The following TMEM108 variants were observed in gnomAD, a reference collection of about 807,000 sequenced individuals.
The protein encoded by TMEM108 is transmembrane protein 108.
In TMEM108, 12 loss-of-function variants were observed where a neutral mutation model predicts 35.1. The observed-to-expected ratio is 0.34, with a 90% CI of 0.22 to 0.55. The LOEUF is 0.55. TMEM108 is among the 20% of genes least tolerant of loss of function. TMEM108 has a pLI of 0.89. For synonymous variants in TMEM108, 287 were observed against 308.6 expected (o/e 0.93, Z 0.73); for missense variants, 680 against 753.3 (o/e 0.90, Z 1.14).
intron 3 of TMEM108, among the ~76,000 whole-genome samples, chr3:133,286,138 G>A (rs1443710792): frequency 6.6e-6 from 1 of 152,122 alleles, no homozygotes; most frequent in East Asian, 1.9e-4. Context: ...CAAACATCAA[G>A]ACAAACATTA....
chr3:133,278,571 A>T (rs888790595), intron 3 of TMEM108, among the ~76,000 whole-genome samples: 6 of 152,182 alleles, frequency 3.9e-5, no homozygotes, highest in Non-Finnish European at 7.4e-5. Context: ...TAGGCTACAA[A>T]CCTGTACGGC....
chr3:133,080,431 A>C (rs1022505556), intron 2 of TMEM108, among the ~76,000 whole-genome samples: 1 of 152,218 alleles, frequency 6.6e-6, no homozygotes, highest in African/African-American at 2.4e-5. Context: ...TTTTGCATGT[A>C]AGGACATATG....
intron 3 of TMEM108, among the ~76,000 whole-genome samples, chr3:133,233,921 C>T (rs1256978818): frequency 2.0e-5 from 3 of 151,368 alleles, no homozygotes; most frequent in Non-Finnish European, 3.0e-5. Flanking sequence ...TTTGAGTTCA[C>T]TGTAGATTCT....
chr3:133,130,854 G>A (rs1944481217), intron 2 of TMEM108, among the ~76,000 whole-genome samples: 1 of 152,142 alleles, frequency 6.6e-6, no homozygotes, highest in South Asian at 2.1e-4. Context: ...GCATTAAAAT[G>A]GAATATAATC....
At chr3:133,294,699 A>G (rs1384674114) in intron 3 of TMEM108, among the ~76,000 whole-genome samples, 3 of 152,206 alleles carry the variant, frequency 2.0e-5, no homozygotes, top group Non-Finnish European at 2.9e-5. Context: ...AATGCACATT[A>G]GCTTTTATTA....
chr3:133,381,006 G>A lies in TMEM108; in HGVS notation c.1295G>A (p.Arg432His), dbSNP rs757969231. The part of the protein sequence containing the change: ...VSTATGNFLN[R>H]LVPAGTWKPG... ...ACAGCCACAGGCAATTTCCTCAACC[G>A]CCTGGTCCCCGCCGGGACCTGGAAG... is the stretch of plus-strand genomic sequence containing the variant. The change falls in exon 4 of 6, where the codon CGC becomes CAC. Residue 432 changes from arginine (R) to histidine (H), a missense_variant. Physicochemically the swap from Arg to His is conservative, Grantham distance 29. Transcript: ENST00000321871. The A allele has an allele frequency of 8.1e-6, 13 of 1,614,030 alleles. No homozygotes were observed. The highest frequency in any genetic ancestry group is 2.2e-5 in the South Asian group (2 of 91,084).
At chr3:133,172,812 T>G (rs1489952885) in intron 2 of TMEM108, among the ~76,000 whole-genome samples, 2 of 152,208 alleles carry the variant, frequency 1.3e-5, no homozygotes, top group Admixed American at 6.5e-5. Flanking sequence ...AGGAGGGACC[T>G]GGTGGGAAGT....
chr3:133,367,371 G>A (rs2072530893), intron 3 of TMEM108, among the ~76,000 whole-genome samples: 1 of 152,228 alleles, frequency 6.6e-6, no homozygotes, highest in South Asian at 2.1e-4. Context: ...GTGGAGGAGG[G>A]AAAAGGAGAA....
At chr3:133,373,338 G>A (rs1204068729) in intron 3 of TMEM108, among the ~76,000 whole-genome samples, 8 of 130,738 alleles carry the variant, frequency 6.1e-5, no homozygotes, top group Middle Eastern at 4.4e-3. Context: ...CACAGAGTGA[G>A]ACCTTGTCTC....
chr3:133,270,307 G>A (rs1205103468), intron 3 of TMEM108, among the ~76,000 whole-genome samples: 1 of 152,162 alleles, frequency 6.6e-6, no homozygotes, highest in Admixed American at 6.5e-5. Flanking sequence ...TTTTGTGTTT[G>A]CTGCTGTATT....
chr3:133,395,787 A>C, intron 5 of TMEM108, 77 bp from the exon 6 acceptor site: 2 of 1,399,562 alleles, frequency 1.4e-6, no homozygotes, highest in Non-Finnish European at 1.9e-6. Context: ...AAATGTTCCC[A>C]TGTGTACATT....
At chr3:133,364,248 C>G (rs561505025) in intron 3 of TMEM108, among the ~76,000 whole-genome samples, 4 of 152,310 alleles carry the variant, frequency 2.6e-5, no homozygotes, top group African/African-American at 4.8e-5. Flanking sequence ...ACAAGCCTTT[C>G]CTGCTCAACT....
At chr3:133,130,988 G>T (rs1479530523) in intron 2 of TMEM108, among the ~76,000 whole-genome samples, 1 of 152,180 alleles carries the variant, frequency 6.6e-6, no homozygotes, top group Non-Finnish European at 1.5e-5. Flanking sequence ...GGCTAATGTG[G>T]TAGATGGTTG....
At chr3:133,312,049 A>AAACAGCAAATATTGCAG (rs781392261) in intron 3 of TMEM108, among the ~76,000 whole-genome samples, 2 of 152,222 alleles carry the variant, frequency 1.3e-5, no homozygotes, top group Non-Finnish European at 2.9e-5. Context: ...AGAGGCTGCA[A>AAACAGCAAATATTGCAG]AACAGCAAAT....
At chr3:133,064,709 C>CTT (rs200166546) in intron 2 of TMEM108, among the ~76,000 whole-genome samples, 1 of 141,246 alleles carries the variant, frequency 7.1e-6, no homozygotes, top group Non-Finnish European at 1.6e-5. Context: ...AGAAATAAAC[C>CTT]TTTTTTTTTT....
intron 3 of TMEM108, among the ~76,000 whole-genome samples, chr3:133,273,765 G>C (rs1006691600): frequency 2.0e-5 from 3 of 152,124 alleles, no homozygotes; most frequent in South Asian, 2.1e-4. Flanking sequence ...CATGGCAAAC[G>C]GAAGAAATAG....
intron 2 of TMEM108, among the ~76,000 whole-genome samples, chr3:133,145,748 A>G (rs1944710157): frequency 6.6e-6 from 1 of 152,140 alleles, no homozygotes; most frequent in South Asian, 2.1e-4. Flanking sequence ...GAGTTCACTC[A>G]TGATTTGGCT....
intron 2 of TMEM108, among the ~76,000 whole-genome samples, chr3:133,105,640 T>C (rs948544371): frequency 1.3e-5 from 2 of 152,138 alleles, no homozygotes; most frequent in African/African-American, 4.8e-5. Context: ...CGTGCACATG[T>C]GTGTGTTTCT....
At chr3:133,091,313 G>C (rs898403889) in intron 2 of TMEM108, among the ~76,000 whole-genome samples, 1 of 152,058 alleles carries the variant, frequency 6.6e-6, no homozygotes, top group African/African-American at 2.4e-5. Flanking sequence ...GTTCAGGTAG[G>C]CTTCCCCAGT....
Sources: gnomAD v4.1 joint callset for allele counts (sites outside exome capture counted in the v4.1 genomes callset) on GRCh38, gnomAD v4.1.1 for gene constraint, MANE v1.5 for transcripts, NCBI Gene and HGNC (gene_info 2026-07-23, HGNC 2026-07-21) for gene names.